Variants in SLC4A10 observed in about 807,000 individuals in gnomAD.
SLC4A10 encodes the protein sodium-driven chloride bicarbonate exchanger.
A neutral mutation model predicts 137.7 loss-of-function variants in SLC4A10; 42 were observed. The ratio of observed to expected loss-of-function variants is 0.30; its 90% CI spans 0.24 to 0.39. The LOEUF (loss-of-function observed/expected upper bound fraction) is 0.39, where lower values mean the gene tolerates loss of function less well. Among genes scored for constraint, SLC4A10 ranks in the 10% least tolerant of loss-of-function variants. The pLI, the probability that SLC4A10 is intolerant of heterozygous loss-of-function variation, is 1.00. For missense variants in SLC4A10, 925 were observed against 1,355.0 expected, an observed-to-expected ratio of 0.68 and a Z score of 4.98; for synonymous variants, 474 against 464.1, an observed-to-expected ratio of 1.02 and a Z score of -0.27.
chr2:161,767,094 CATATATATATAT>C (rs770704286), intron 1 of SLC4A10, among the ~76,000 whole-genome samples: 736 of 40,120 alleles, frequency 0.018, 10 homozygotes, highest in South Asian at 0.075. Context: ...AATTAAGAAG[CATATATATATAT>C]ATATATATAT....
In SLC4A10 at chr2:161,851,223, G is replaced by T. The variant is rs371877146; in HGVS notation, c.417-3747G>T. Among the ~76,000 whole-genome samples the T allele has an allele frequency of 4.6e-5, 7 of 152,178 alleles. No individual in the cohort carries two copies. The South Asian group carries it at 1.5e-3, about 32-fold the overall frequency. Reference sequence around the variant, plus strand: ...GGAGTGTTCTGTAGATGTCTGTTAGGTTCATTTGGTCAAGTGTTAAGTTTA... The same window carrying T: ...GGAGTGTTCTGTAGATGTCTGTTAGTTTCATTTGGTCAAGTGTTAAGTTTA... On this transcript the variant is annotated intron_variant, in intron 4 of 26. Transcript: ENST00000446997.
At chr2:161,697,084 T>G (rs2042590437) in intron 1 of SLC4A10, among the ~76,000 whole-genome samples, 1 of 152,204 alleles carries the variant, frequency 6.6e-6, no homozygotes, top group Admixed American at 6.5e-5. Flanking sequence ...TCATGTGTCT[T>G]TTGGCTGCAT....
chr2:161,813,848 T>G (rs1244692385), intron 3 of SLC4A10, among the ~76,000 whole-genome samples: 1 of 152,144 alleles, frequency 6.6e-6, no homozygotes, highest in African/African-American at 2.4e-5. Context: ...CAATAATGAC[T>G]GCATTTGAGA....
At chr2:161,940,709 G>C (rs1036772711) in intron 15 of SLC4A10, among the ~76,000 whole-genome samples, 13 of 152,118 alleles carry the variant, frequency 8.5e-5, no homozygotes, top group Admixed American at 5.9e-4. Context: ...TGGTAGCTTC[G>C]TGAAAGAGAC....
chr2:161,843,135 A>G (rs1348615152), intron 4 of SLC4A10, among the ~76,000 whole-genome samples: 4 of 152,196 alleles, frequency 2.6e-5, no homozygotes, highest in Non-Finnish European at 5.9e-5. Flanking sequence ...ACTTATTCTT[A>G]CAGTGATTGG....
At chr2:161,851,860 A>G (rs2059852596) in intron 4 of SLC4A10, among the ~76,000 whole-genome samples, 1 of 152,106 alleles carries the variant, frequency 6.6e-6, no homozygotes, top group Non-Finnish European at 1.5e-5. Context: ...GTACTTGAGT[A>G]TAATTTTTGG....
chr2:161,773,599 A>G (rs1464448098), intron 2 of SLC4A10, among the ~76,000 whole-genome samples: 1 of 151,880 alleles, frequency 6.6e-6, no homozygotes, highest in Admixed American at 6.6e-5. Flanking sequence ...ATTTAATGAA[A>G]TTACTGGTGT....
chr2:161,893,073 G>A (rs1025221271), intron 10 of SLC4A10, among the ~76,000 whole-genome samples: 4 of 152,016 alleles, frequency 2.6e-5, no homozygotes, highest in South Asian at 2.1e-4. Context: ...CAGAAAAAAA[G>A]CAATGTGATA....
intron 1 of SLC4A10, among the ~76,000 whole-genome samples, chr2:161,707,192 G>T (rs1223557990): frequency 6.6e-6 from 1 of 151,470 alleles, no homozygotes; most frequent in Non-Finnish European, 1.5e-5. Context: ...TATACATACA[G>T]CAGAATACCA....
chr2:161,657,937 A>G (rs1045434513), intron 1 of SLC4A10, among the ~76,000 whole-genome samples: 3 of 152,196 alleles, frequency 2.0e-5, no homozygotes, highest in South Asian at 2.1e-4. Context: ...TAATTAAATT[A>G]TAATAGGCCA....
intron 1 of SLC4A10, among the ~76,000 whole-genome samples, chr2:161,658,040 G>C (rs1200647682): frequency 2.0e-5 from 3 of 152,132 alleles, no homozygotes; most frequent in Non-Finnish European, 4.4e-5. Flanking sequence ...GGGTGCTCAT[G>C]ACACAATTTA....
intron 1 of SLC4A10, among the ~76,000 whole-genome samples, chr2:161,747,125 G>C (rs2048469242): frequency 6.6e-6 from 1 of 152,066 alleles, no homozygotes. Flanking sequence ...ACAGCACCAG[G>C]ACTTGCTTAG....
intron 1 of SLC4A10, among the ~76,000 whole-genome samples, chr2:161,627,304 T>C (rs1163227784): frequency 6.6e-6 from 1 of 152,088 alleles, no homozygotes; most frequent in African/African-American, 2.4e-5. Flanking sequence ...TGGAAAAGAC[T>C]CTTCATAGTG....
chr2:161,800,626 A>G (rs935742072), intron 2 of SLC4A10, among the ~76,000 whole-genome samples: 14 of 152,076 alleles, frequency 9.2e-5, no homozygotes, highest in African/African-American at 3.4e-4. Flanking sequence ...AGAATCATCT[A>G]TATGTGTTTT....
chr2:161,836,922 A>G (rs2058854399), intron 3 of SLC4A10, among the ~76,000 whole-genome samples: 1 of 152,178 alleles, frequency 6.6e-6, no homozygotes, highest in African/African-American at 2.4e-5. Flanking sequence ...TGCTGAAAGA[A>G]CATTTAGTCC....
chr2:161,660,570 T>TTC (rs2038171772), intron 1 of SLC4A10, among the ~76,000 whole-genome samples: 1 of 119,524 alleles, frequency 8.4e-6, no homozygotes, highest in Non-Finnish European at 1.9e-5. Flanking sequence ...CTTTCTTTCT[T>TTC]TCTTTCTTTC....
intron 1 of SLC4A10, among the ~76,000 whole-genome samples, chr2:161,672,989 T>C (rs2039898448): frequency 6.6e-6 from 1 of 152,226 alleles, no homozygotes; most frequent in Non-Finnish European, 1.5e-5. Flanking sequence ...TCTGGAGCTT[T>C]CTGAGTCTCA....
chr2:161,736,079 A>G (rs943733190), intron 1 of SLC4A10, among the ~76,000 whole-genome samples: 6 of 152,260 alleles, frequency 3.9e-5, no homozygotes, highest in Non-Finnish European at 8.8e-5. Context: ...GACATAGACA[A>G]AAATAGATTT....
At chr2:161,642,053 C>T (rs1254875774) in intron 1 of SLC4A10, among the ~76,000 whole-genome samples, 1 of 151,966 alleles carries the variant, frequency 6.6e-6, no homozygotes, top group East Asian at 1.9e-4. Flanking sequence ...CACTATCTCT[C>T]CTAGCAATAT....
Sources: allele counts gnomAD v4.1 joint callset (sites outside exome capture counted in the v4.1 genomes callset), GRCh38; gene constraint gnomAD v4.1.1; transcripts MANE v1.5; gene names NCBI Gene and HGNC (gene_info 2026-07-23, HGNC 2026-07-21).